The following RBM47 variants were observed in gnomAD, a reference collection of about 807,000 sequenced individuals.
RBM47 encodes the protein RNA binding motif protein 47.
Under a neutral mutation model 47.1 loss-of-function variants are expected in RBM47, and 21 were observed. The observed-to-expected ratio is 0.45, with a 90% CI of 0.32 to 0.64. RBM47 has a LOEUF of 0.64. RBM47 is among the 30% of genes least tolerant of loss of function. The pLI, the probability that RBM47 is intolerant of heterozygous loss-of-function variation, is 0.05. For synonymous variants in RBM47, 375 were observed against 361.7 expected (o/e 1.04, Z -0.42); for missense variants, 708 against 870.9 (o/e 0.81, Z 2.35).
rs746691168 is a variant in RBM47, at chr4:40,566,631, C to A, written c.-239-22125G>T. Among the ~76,000 whole-genome samples, 5 of 151,920 alleles carry A rather than the reference C, an allele frequency of 3.3e-5. No individual in the cohort carries two copies. The East Asian group carries it at 9.6e-4, about 29-fold the overall frequency. ...CTACACTCCACGCTGGGCGACAGAG[C>A]GAGACTCCATCTCAAAAACAAAACA... is the stretch of plus-strand genomic sequence containing the variant. On this transcript the variant is annotated intron_variant, in intron 1 of 6. Transcript: ENST00000295971.
intron 5 of RBM47, among the ~76,000 whole-genome samples, chr4:40,436,184 A>C (rs1213811080): frequency 6.3e-5 from 3 of 47,972 alleles, no homozygotes; most frequent in Non-Finnish European, 1.2e-4. Context: ...AAAAAAAAAA[A>C]AACAAACAAA....
At position 40,425,688 on chromosome 4, in the gene RBM47, G is replaced by A; in HGVS notation, c.*216C>T. The stretch of plus-strand genomic sequence containing the variant: ...GGAATGAAGGCACGAACCATTGCAA[G>A]TCTTTTGGAAATGTATGAACGTAGG... On this transcript the variant is annotated 3_prime_UTR_variant, in exon 7 of 7. Transcript: ENST00000295971. The A allele has an allele frequency of 3.3e-6, 2 of 607,768 alleles. No homozygotes were observed. The allele number at this position is 607,768 out of a possible 1,614,324, so 37.6% of individuals were successfully genotyped here. A position where few individuals can be genotyped will look rare whatever the true frequency, so the allele number is the denominator to read the frequency against.
intron 6 of RBM47, among the ~76,000 whole-genome samples, chr4:40,432,182 C>T (rs1716226140): frequency 6.7e-6 from 1 of 148,710 alleles, no homozygotes; most frequent in Non-Finnish European, 1.5e-5. Context: ...TACAGATGTT[C>T]TTTCTCTCTC....
At chr4:40,588,279 G>C (rs1009196290) in intron 1 of RBM47, among the ~76,000 whole-genome samples, 1 of 152,160 alleles carries the variant, frequency 6.6e-6, no homozygotes, top group African/African-American at 2.4e-5. Flanking sequence ...AGCTTCCCAG[G>C]GCTCTATCAT....
chr4:40,475,991 A>T (rs1413702062), intron 2 of RBM47, among the ~76,000 whole-genome samples: 1 of 152,190 alleles, frequency 6.6e-6, no homozygotes, highest in African/African-American at 2.4e-5. Context: ...GATTTGGGGA[A>T]GGCTCAAAAG....
At chr4:40,476,712 C>T (rs1719657064) in intron 2 of RBM47, among the ~76,000 whole-genome samples, 1 of 152,096 alleles carries the variant, frequency 6.6e-6, no homozygotes, top group African/African-American at 2.4e-5. Flanking sequence ...GAAAAGGGAG[C>T]TGAAGTTGCC....
At chr4:40,567,206 T>C (rs563932251) in intron 1 of RBM47, among the ~76,000 whole-genome samples, 1 of 152,098 alleles carries the variant, frequency 6.6e-6, no homozygotes, top group African/African-American at 2.4e-5. Context: ...TCAGAGACAT[T>C]GAACTCGGGC....
chr4:40,594,009 G>A (rs542606747), intron 1 of RBM47, among the ~76,000 whole-genome samples: 52 of 151,988 alleles, frequency 3.4e-4, no homozygotes, highest in African/African-American at 1.0e-3. Flanking sequence ...CTGAGATTGC[G>A]CCATTGCACT....
intron 2 of RBM47, among the ~76,000 whole-genome samples, chr4:40,473,262 C>G (rs146239415): frequency 4.1e-4 from 62 of 152,222 alleles, no homozygotes; most frequent in African/African-American, 1.4e-3. Flanking sequence ...CTGGAGATGC[C>G]AGAACTGAGG....
intron 1 of RBM47, among the ~76,000 whole-genome samples, chr4:40,599,055 G>C (rs986156948): frequency 1.3e-5 from 2 of 151,990 alleles, no homozygotes; most frequent in African/African-American, 4.8e-5. Context: ...AGGAGTTCAA[G>C]ACCAGCCCGG....
In RBM47 at chr4:40,563,139, C is replaced by A. The variant is rs572175621; in HGVS notation, c.-239-18633G>T. Among the ~76,000 whole-genome samples the A allele has an allele frequency of 6.6e-5, 10 of 152,158 alleles. No individual in the cohort carries two copies. In the East Asian group the frequency reaches 1.9e-3, roughly 29 times the overall value. On this transcript the variant is annotated intron_variant, in intron 1 of 6. Transcript: ENST00000295971. ...CTGGGAGGCAGAGGTTGCAGTGAGC[C>A]GAGATGGCGCCACTGCACTCCAGTC...
chr4:40,601,559 T>A (rs1264815981), intron 1 of RBM47, among the ~76,000 whole-genome samples: 1 of 152,178 alleles, frequency 6.6e-6, no homozygotes, highest in African/African-American at 2.4e-5. Flanking sequence ...TGAGGTTAAT[T>A]TGTACTTAAG....
chr4:40,593,893 A>T (rs1242646127), intron 1 of RBM47, among the ~76,000 whole-genome samples: 1 of 150,400 alleles, frequency 6.6e-6, no homozygotes, highest in African/African-American at 2.5e-5. Context: ...CAAAAAAAAA[A>T]AAAAAAATTA....
At chr4:40,437,090 A>AAAAAAAAATATATATATAT (rs1256296949) in intron 4 of RBM47, among the ~76,000 whole-genome samples, 2 of 49,800 alleles carry the variant, frequency 4.0e-5, no homozygotes, top group African/African-American at 2.2e-4. Flanking sequence ...AAAAAAAAAA[A>AAAAAAAAATATATATATAT]ATATATATAT....
chr4:40,571,870 A>T (rs1731747862), intron 1 of RBM47, among the ~76,000 whole-genome samples: 1 of 151,626 alleles, frequency 6.6e-6, no homozygotes, highest in African/African-American at 2.4e-5. Context: ...AATACAAAAA[A>T]AAATTAGCCA....
Position 40,437,894 on chromosome 4 carries a change from C to T in RBM47, c.1000G>A (p.Gly334Ser), listed in dbSNP as rs765395807. The change falls in exon 4 of 7, where the codon GGC (glycine) becomes AGC (serine). Residue 334 changes from glycine to serine, a missense_variant. Gly to Ser is a moderately conservative substitution (Grantham distance 56). Transcript: ENST00000295971. ...TGCTGCGCTGCCTCAGCCGCGCCGC[C>T]GCCCCTGGCTGCCTTCTGGTAGCGC... is the stretch of plus-strand genomic sequence containing the variant. ...YSRYQKAARG[G>S]GAAEAAQQPS... 5 of 1,613,950 alleles carry T rather than the reference C, an allele frequency of 3.1e-6. No homozygotes were observed. Among genetic ancestry groups the T allele is most frequent in the Non-Finnish European group, 3.4e-6 (4 of 1,180,012 alleles).
intron 3 of RBM47, among the ~76,000 whole-genome samples, chr4:40,444,810 G>A (rs1714257547): frequency 6.6e-6 from 1 of 151,670 alleles, no homozygotes; most frequent in Non-Finnish European, 1.5e-5. Flanking sequence ...TATTACAGGT[G>A]CGTACCATCA....
intron 2 of RBM47, among the ~76,000 whole-genome samples, chr4:40,537,790 C>A (rs1728125083): frequency 6.6e-6 from 1 of 151,772 alleles, no homozygotes; most frequent in South Asian, 2.1e-4. Flanking sequence ...TCACCATGGG[C>A]TAAATGTAAA....
At chr4:40,620,866 A>C (rs1432799029) in intron 1 of RBM47, among the ~76,000 whole-genome samples, 1 of 152,174 alleles carries the variant, frequency 6.6e-6, no homozygotes, top group Non-Finnish European at 1.5e-5. Context: ...CATTCAGTGC[A>C]TATGATAAGA....
Sources: allele counts gnomAD v4.1 joint callset (sites outside exome capture counted in the v4.1 genomes callset), GRCh38; gene constraint gnomAD v4.1.1; transcripts MANE v1.5; gene names NCBI Gene and HGNC (gene_info 2026-07-23, HGNC 2026-07-21).